MAP4K3: variants seen among roughly 807,000 people sequenced by gnomAD.
MAP4K3 encodes MAPK/ERK kinase kinase kinase 3.
A neutral mutation model predicts 143.5 loss-of-function variants in MAP4K3; 94 were observed. The ratio of observed to expected loss-of-function variants is 0.65; its 90% CI spans 0.55 to 0.78. MAP4K3 has a LOEUF of 0.78. Among genes scored for constraint, MAP4K3 ranks in the 30% least tolerant of loss-of-function variants. The probability of loss-of-function intolerance (pLI) is 0.00; values close to 1 mark genes in which losing one functional copy is unlikely to be tolerated. For synonymous variants in MAP4K3, 416 were observed against 347.2 expected, an observed-to-expected ratio of 1.20 and a Z score of -2.20; for missense variants, 1,077 against 1,068.1, an observed-to-expected ratio of 1.01 and a Z score of -0.12.
intron 1 of MAP4K3, among the ~76,000 whole-genome samples, chr2:39,406,758 G>A (rs575532031): frequency 2.6e-5 from 4 of 152,204 alleles, no homozygotes; most frequent in African/African-American, 9.6e-5. Flanking sequence ...AAAAAAGGAT[G>A]CTAATCAGCA....
intron 2 of MAP4K3, among the ~76,000 whole-genome samples, chr2:39,357,363 T>C (rs1665641313): frequency 6.6e-6 from 1 of 152,220 alleles, no homozygotes; most frequent in Admixed American, 6.5e-5. Flanking sequence ...TGTAAATTAG[T>C]AGCAAAGTAA....
At chr2:39,291,750 AG>A (rs1321596679) in intron 18 of MAP4K3, among the ~76,000 whole-genome samples, 3 of 152,042 alleles carry the variant, frequency 2.0e-5, no homozygotes, top group Non-Finnish European at 4.4e-5. Flanking sequence ...GGAAGTGTGG[AG>A]GTGCAGTCCC....
At chr2:39,386,242 G>C (rs1666502463) in intron 1 of MAP4K3, among the ~76,000 whole-genome samples, 1 of 152,166 alleles carries the variant, frequency 6.6e-6, no homozygotes, top group South Asian at 2.1e-4. Flanking sequence ...TGCAAGCCAA[G>C]GAGAGAAGCT....
chr2:39,328,393 A>G (rs958333026), intron 8 of MAP4K3, among the ~76,000 whole-genome samples: 1 of 152,176 alleles, frequency 6.6e-6, no homozygotes, highest in African/African-American at 2.4e-5. Context: ...CGCTTTTAGA[A>G]AGGCAAATTT....
intron 2 of MAP4K3, among the ~76,000 whole-genome samples, chr2:39,365,162 A>G (rs1296949059): frequency 6.6e-6 from 1 of 152,186 alleles, no homozygotes; most frequent in Non-Finnish European, 1.5e-5. Flanking sequence ...GTGATGCTAT[A>G]CTAGAGTCAG....
intron 6 of MAP4K3, among the ~76,000 whole-genome samples, chr2:39,335,670 T>A (rs1265811542): frequency 6.6e-6 from 1 of 152,206 alleles, no homozygotes; most frequent in Non-Finnish European, 1.5e-5. Context: ...ATCATCTACA[T>A]GCCAATGACA....
chr2:39,423,044 A>G (rs1229766569), intron 1 of MAP4K3, among the ~76,000 whole-genome samples: 8 of 152,210 alleles, frequency 5.3e-5, no homozygotes, highest in African/African-American at 1.9e-4. Context: ...GAGGACATGT[A>G]TCCAAAATAT....
At chr2:39,421,368 A>ATTTT (rs59291407) in intron 1 of MAP4K3, among the ~76,000 whole-genome samples, 6 of 85,348 alleles carry the variant, frequency 7.0e-5, no homozygotes, top group African/African-American at 2.5e-4. Flanking sequence ...TGACTTGGGC[A>ATTTT]TTTTTTTTTT....
chr2:39,266,954 ATTAT>A (rs976241312), intron 27 of MAP4K3, among the ~76,000 whole-genome samples: 1 of 152,166 alleles, frequency 6.6e-6, no homozygotes, highest in Non-Finnish European at 1.5e-5. Context: ...TAGGCAATAA[ATTAT>A]TTGTTTAGCA....
chr2:39,403,656 T>G (rs1167835847), intron 1 of MAP4K3, among the ~76,000 whole-genome samples: 1 of 151,974 alleles, frequency 6.6e-6, no homozygotes, highest in Non-Finnish European at 1.5e-5. Flanking sequence ...AAAGGCAGTC[T>G]AGGCCACAAG....
intron 24 of MAP4K3, among the ~76,000 whole-genome samples, chr2:39,274,088 T>A (rs1206434032): frequency 6.6e-6 from 1 of 152,248 alleles, no homozygotes; most frequent in Non-Finnish European, 1.5e-5. Context: ...GCTTATTTAA[T>A]ATAAACATAT....
At chr2:39,258,627 T>A (rs1373634615) in intron 29 of MAP4K3, 40 bp from the exon 30 acceptor site, 1 of 1,326,904 alleles carries the variant, frequency 7.5e-7, no homozygotes, top group Non-Finnish European at 1.1e-6. Context: ...ACAGAAACTG[T>A]GATACTTAAA....
At chr2:39,296,900 C>G (rs1682304308) in intron 16 of MAP4K3, among the ~76,000 whole-genome samples, 1 of 152,090 alleles carries the variant, frequency 6.6e-6, no homozygotes, top group Non-Finnish European at 1.5e-5. Flanking sequence ...GAGGCAGGTA[C>G]TATTATATTA....
intron 1 of MAP4K3, among the ~76,000 whole-genome samples, chr2:39,389,232 G>C (rs1666588913): frequency 6.6e-6 from 1 of 151,892 alleles, no homozygotes; most frequent in Admixed American, 6.6e-5. Flanking sequence ...AACCTAACTG[G>C]TGTACACAGA....
chr2:39,281,666 C>T (rs1293239128), intron 22 of MAP4K3, among the ~76,000 whole-genome samples: 1 of 151,990 alleles, frequency 6.6e-6, no homozygotes, highest in Non-Finnish European at 1.5e-5. Context: ...AAACTGCAAG[C>T]CTGAGGTAAG....
intron 16 of MAP4K3, among the ~76,000 whole-genome samples, chr2:39,294,848 T>A (rs1682203883): frequency 6.6e-6 from 1 of 152,150 alleles, no homozygotes; most frequent in African/African-American, 2.4e-5. Context: ...GGTCTCTTAG[T>A]CTCCTGTAGG....
intron 12 of MAP4K3, among the ~76,000 whole-genome samples, chr2:39,320,432 A>G (rs1401792064): frequency 2.6e-5 from 4 of 152,148 alleles, no homozygotes; most frequent in African/African-American, 9.7e-5. Flanking sequence ...TAACTCCCAC[A>G]AGCCTAGTTC....
chr2:39,418,071 C>T (rs1185547356), intron 1 of MAP4K3, among the ~76,000 whole-genome samples: 1 of 152,020 alleles, frequency 6.6e-6, no homozygotes, highest in East Asian at 1.9e-4. Flanking sequence ...GATGTGGTGG[C>T]GCGTGCCTGT....
intron 21 of MAP4K3, among the ~76,000 whole-genome samples, chr2:39,284,700 C>A (rs1051962039): frequency 6.6e-6 from 1 of 151,276 alleles, no homozygotes; most frequent in African/African-American, 2.4e-5. Flanking sequence ...AAAAAGTAGC[C>A]AGGCGTGGTG....
Sources: allele counts gnomAD v4.1 joint callset (sites outside exome capture counted in the v4.1 genomes callset), GRCh38; gene constraint gnomAD v4.1.1; transcripts MANE v1.5; gene names NCBI Gene and HGNC (gene_info 2026-07-23, HGNC 2026-07-21).